SHISA9: variants seen among roughly 807,000 people sequenced by gnomAD.
The protein encoded by SHISA9 is protein shisa-9.
SHISA9 carries 13 observed loss-of-function variants against 38.0 expected under a neutral mutation model. That is an observed-to-expected ratio of 0.34 (90% CI 0.22 to 0.54). The LOEUF (loss-of-function observed/expected upper bound fraction) is 0.54, where lower values mean the gene tolerates loss of function less well. Among genes scored for constraint, SHISA9 ranks in the 20% least tolerant of loss-of-function variants. SHISA9 has a pLI of 0.91. For synonymous variants in SHISA9, 275 were observed against 242.0 expected, an observed-to-expected ratio of 1.14 and a Z score of -1.27; for missense variants, 538 against 575.8, an observed-to-expected ratio of 0.93 and a Z score of 0.67.
At chr16:12,969,707 A>G in intron 2 of SHISA9, among the ~76,000 whole-genome samples, 1 of 152,132 alleles carries the variant, frequency 6.6e-6, no homozygotes, top group East Asian at 1.9e-4. Context: ...AGAGCGTGCC[A>G]TTGCACTCTA....
chr16:13,219,343 AGT>A (rs375296343), intron 4 of SHISA9, among the ~76,000 whole-genome samples: 215 of 152,320 alleles, frequency 1.4e-3, no homozygotes, highest in African/African-American at 5.0e-3. Context: ...AACTGGGCAT[AGT>A]GTTCAAAGGA....
the SHISA9 span, among the ~76,000 whole-genome samples, chr16:13,558,220 C>T: frequency 2.6e-5 from 4 of 152,174 alleles, no homozygotes; most frequent in African/African-American, 9.7e-5. Flanking sequence ...TTCCCATCTA[C>T]AAAATGAGGG....
chr16:13,082,873 G>T (rs908674289), intron 2 of SHISA9, among the ~76,000 whole-genome samples: 4 of 152,180 alleles, frequency 2.6e-5, no homozygotes, highest in African/African-American at 9.7e-5. Flanking sequence ...GGTGACCAAG[G>T]TGCAAATTGT....
the SHISA9 span, among the ~76,000 whole-genome samples, chr16:13,440,106 C>T: frequency 6.6e-6 from 1 of 152,200 alleles, no homozygotes; most frequent in African/African-American, 2.4e-5. Context: ...GGTAAATTAT[C>T]AGTCTTACTA....
At chr16:13,303,894 T>G in the SHISA9 span, among the ~76,000 whole-genome samples, 1 of 152,172 alleles carries the variant, frequency 6.6e-6, no homozygotes, top group African/African-American at 2.4e-5. Flanking sequence ...TCCCTTCTTC[T>G]TCCCAGACTT....
At chr16:13,104,221 A>G (rs1400773458) in intron 2 of SHISA9, among the ~76,000 whole-genome samples, 2 of 152,144 alleles carry the variant, frequency 1.3e-5, no homozygotes, top group African/African-American at 4.8e-5. Context: ...GGTAGGATAT[A>G]GTAGTATTTA....
At chr16:13,443,567 C>T in the SHISA9 span, among the ~76,000 whole-genome samples, 1 of 152,162 alleles carries the variant, frequency 6.6e-6, no homozygotes, top group Non-Finnish European at 1.5e-5. Flanking sequence ...TTCGTTACTA[C>T]GTGCTGGGAC....
intron 2 of SHISA9, among the ~76,000 whole-genome samples, chr16:13,074,486 T>C (rs1389205674): frequency 1.3e-5 from 2 of 152,116 alleles, no homozygotes; most frequent in Admixed American, 1.3e-4. Context: ...ACACTAAAAA[T>C]TGAGAGCATT....
At position 13,187,649 on chromosome 16, in the gene SHISA9, T is replaced by C. The variant is rs1255494726; in HGVS notation, c.692-15745T>C. On this transcript the variant is annotated intron_variant, in intron 2 of 4. Transcript: ENST00000558583. ...TGCGCCCAGCCCATCTGGGGAACTTTTGAAGGTCTAGAAAAGAGTAAGACT... is the reference window on the plus strand; with the variant it reads ...TGCGCCCAGCCCATCTGGGGAACTTCTGAAGGTCTAGAAAAGAGTAAGACT... Among the ~76,000 whole-genome samples, 6 of 152,222 alleles carry C rather than the reference T, an allele frequency of 3.9e-5. No homozygotes were observed. The East Asian group carries it at 5.8e-4, about 15-fold the overall frequency.
At chr16:12,910,302 AATTCATTC>A in intron 1 of SHISA9, 1 of 226,912 alleles carries the variant, frequency 4.4e-6, no homozygotes. Flanking sequence ...AGTATCTCCA[AATTCATTC>A]ATTCATTCTT....
intron 2 of SHISA9, among the ~76,000 whole-genome samples, chr16:13,183,801 A>T (rs2050797133): frequency 2.0e-5 from 3 of 152,024 alleles, no homozygotes; most frequent in South Asian, 4.2e-4. Context: ...GTTTCCATGG[A>T]TTTGAATTCT....
chr16:13,294,650 G>C, the SHISA9 span, among the ~76,000 whole-genome samples: 1 of 152,168 alleles, frequency 6.6e-6, no homozygotes, highest in South Asian at 2.1e-4. Context: ...AGATCTCCAA[G>C]GTGTTACCCA....
the SHISA9 span, among the ~76,000 whole-genome samples, chr16:13,469,370 AAAGAAAG>A: frequency 5.1e-5 from 3 of 58,270 alleles, no homozygotes; most frequent in African/African-American, 1.9e-4. Flanking sequence ...AAAGAAAAAG[AAAGAAAG>A]AAAGAAAGAA....
At chr16:13,369,548 G>A in the SHISA9 span, among the ~76,000 whole-genome samples, 1 of 151,830 alleles carries the variant, frequency 6.6e-6, no homozygotes, top group Non-Finnish European at 1.5e-5. Context: ...GAAGTAAGGT[G>A]AGCTGTAAAC....
At chr16:12,907,524 A>G (rs2071118840) in intron 1 of SHISA9, among the ~76,000 whole-genome samples, 1 of 152,118 alleles carries the variant, frequency 6.6e-6, no homozygotes, top group Admixed American at 6.5e-5. Context: ...TACACAGCAC[A>G]ATTCCATTAT....
chr16:13,086,808 AC>A (rs1444371911), intron 2 of SHISA9, among the ~76,000 whole-genome samples: 12 of 151,742 alleles, frequency 7.9e-5, no homozygotes, highest in Non-Finnish European at 1.0e-4. Context: ...TAAGAACCAG[AC>A]TTTTATTTTT....
chr16:13,271,777 G>GGT, the SHISA9 span, among the ~76,000 whole-genome samples: 2 of 151,820 alleles, frequency 1.3e-5, no homozygotes, highest in East Asian at 1.9e-4. Context: ...TTATGGGGGG[G>GGT]GTGTGTGTGT....
the SHISA9 span, among the ~76,000 whole-genome samples, chr16:13,391,964 C>T: frequency 0.018 from 2,737 of 152,214 alleles, 29 homozygotes; most frequent in Middle Eastern, 0.051. Context: ...TGGTTTGCCC[C>T]GAGTGTCTGA....
chr16:13,030,565 G>C (rs1236286794), intron 2 of SHISA9, among the ~76,000 whole-genome samples: 1 of 152,112 alleles, frequency 6.6e-6, no homozygotes, highest in African/African-American at 2.4e-5. Flanking sequence ...AATGATTTCA[G>C]AGCCTGCTTC....
Sources: gnomAD v4.1 joint callset for allele counts (sites outside exome capture counted in the v4.1 genomes callset) on GRCh38, gnomAD v4.1.1 for gene constraint, MANE v1.5 for transcripts, NCBI Gene and HGNC (gene_info 2026-07-23, HGNC 2026-07-21) for gene names.